ADGRL2: variants seen among roughly 807,000 people sequenced by gnomAD.
ADGRL2 encodes the protein calcium-independent alpha-latrotoxin receptor 2.
Under a neutral mutation model 157.4 loss-of-function variants are expected in ADGRL2, and 44 were observed. That is an observed-to-expected ratio of 0.28 (90% CI 0.22 to 0.36). The LOEUF (loss-of-function observed/expected upper bound fraction) is 0.36. Ranked by LOEUF, ADGRL2 falls within the 10% of genes least tolerant of loss-of-function variation. ADGRL2 has a pLI of 1.00. For synonymous variants in ADGRL2, 585 were observed against 624.7 expected, an observed-to-expected ratio of 0.94 and a Z score of 0.95; for missense variants, 1,510 against 1,768.9, an observed-to-expected ratio of 0.85 and a Z score of 2.63.
At chr1:81,489,020 C>T (rs1174339233) in intron 2 of ADGRL2, among the ~76,000 whole-genome samples, 1 of 151,996 alleles carries the variant, frequency 6.6e-6, no homozygotes. Flanking sequence ...TTGAGATCAC[C>T]TGAGGTCAGC....
intron 2 of ADGRL2, among the ~76,000 whole-genome samples, chr1:81,793,994 A>G (rs2087469148): frequency 6.6e-6 from 1 of 152,146 alleles, no homozygotes; most frequent in Non-Finnish European, 1.5e-5. Context: ...TTTCATAGCC[A>G]GCATTTTTAC....
intron 2 of ADGRL2, among the ~76,000 whole-genome samples, chr1:81,860,042 G>A (rs2093341170): frequency 6.6e-6 from 1 of 151,888 alleles, no homozygotes; most frequent in African/African-American, 2.4e-5. Flanking sequence ...GGCCAACATA[G>A]TGAAACCCCG....
intron 1 of ADGRL2, among the ~76,000 whole-genome samples, chr1:81,756,492 T>C (rs920790120): frequency 1.3e-5 from 2 of 152,140 alleles, no homozygotes; most frequent in Non-Finnish European, 2.9e-5. Context: ...TTAAGTTTCA[T>C]AGACAAGAGG....
At chr1:81,556,385 C>T (rs1427131983) in intron 2 of ADGRL2, among the ~76,000 whole-genome samples, 3 of 122,648 alleles carry the variant, frequency 2.4e-5, no homozygotes, top group Non-Finnish European at 4.7e-5. Context: ...GTGGTGTGAT[C>T]TTGGCTCGCT....
intron 1 of ADGRL2, among the ~76,000 whole-genome samples, chr1:81,427,910 C>A (rs1055209308): frequency 3.9e-5 from 6 of 152,022 alleles, no homozygotes; most frequent in Non-Finnish European, 7.4e-5. Flanking sequence ...TCTTCTTTTT[C>A]TTTTCATTTC....
intron 2 of ADGRL2, among the ~76,000 whole-genome samples, chr1:81,469,936 A>G (rs529876459): frequency 2.0e-5 from 3 of 152,246 alleles, no homozygotes; most frequent in African/African-American, 7.2e-5. Flanking sequence ...ATGGGTCTGG[A>G]TAGGAGTCAG....
At chr1:81,403,852 C>G (rs12118869) in intron 1 of ADGRL2, among the ~76,000 whole-genome samples, 70,913 of 148,848 alleles carry the variant, frequency 0.48, 17,048 homozygotes, top group East Asian at 0.61. Context: ...GGCTGGAGTA[C>G]AGTGGCACAA....
intron 1 of ADGRL2, among the ~76,000 whole-genome samples, chr1:81,738,248 G>A (rs187905124): frequency 1.3e-5 from 2 of 152,122 alleles, no homozygotes; most frequent in Admixed American, 6.5e-5. Flanking sequence ...CCTTTCTTGG[G>A]GTCCTAATTC....
At chr1:81,748,626 TTG>T (rs1210217400) in intron 1 of ADGRL2, among the ~76,000 whole-genome samples, 3 of 152,068 alleles carry the variant, frequency 2.0e-5, no homozygotes, top group Non-Finnish European at 4.4e-5. Context: ...ATAAATTTTT[TTG>T]TCTATCTCAG....
intron 1 of ADGRL2, among the ~76,000 whole-genome samples, chr1:81,726,755 C>T (rs1030780468): frequency 2.4e-4 from 37 of 152,180 alleles, no homozygotes; most frequent in African/African-American, 8.7e-4. Context: ...ATATAGCTCA[C>T]ATCATGTTAC....
intron 2 of ADGRL2, 135 bp from the exon 3 acceptor site, chr1:81,906,882 A>G (rs1182263659): frequency 4.2e-6 from 3 of 711,186 alleles, no homozygotes; most frequent in Non-Finnish European, 6.7e-6. Context: ...GAACCAAAAA[A>G]TTATTTAATA....
intron 2 of ADGRL2, among the ~76,000 whole-genome samples, chr1:81,894,158 C>G (rs957629600): frequency 6.6e-6 from 1 of 152,074 alleles, no homozygotes; most frequent in African/African-American, 2.4e-5. Flanking sequence ...TTGTTAGTTT[C>G]TTTTGGTTAT....
intron 1 of ADGRL2, among the ~76,000 whole-genome samples, chr1:81,709,322 T>A (rs1438869290): frequency 6.6e-6 from 1 of 152,142 alleles, no homozygotes; most frequent in Non-Finnish European, 1.5e-5. Context: ...GAGCTTTAGC[T>A]CTTGGGTATA....
At chr1:81,664,286 T>G (rs560745832) in intron 3 of ADGRL2, among the ~76,000 whole-genome samples, 3 of 152,246 alleles carry the variant, frequency 2.0e-5, no homozygotes, top group Admixed American at 6.5e-5. Flanking sequence ...GTAAACAACA[T>G]CCTAGATTTA....
At position 81,974,365 on chromosome 1, in the gene ADGRL2, T is replaced by C. The variant is rs189699719; in HGVS notation, c.3021+2447T>C. On this transcript the variant is annotated intron_variant, in intron 17 of 23. Transcript: ENST00000686636. Reference sequence around the variant, plus strand: ...CATGACACGTCAGGAGCTGTTCTTATCATTTGGACAGCTCCATCTGCATCG... The same window carrying C: ...CATGACACGTCAGGAGCTGTTCTTACCATTTGGACAGCTCCATCTGCATCG... Among the ~76,000 whole-genome samples, 37 of 152,308 alleles carry C rather than the reference T, an allele frequency of 2.4e-4. 1 individual carries two copies. In the East Asian group the frequency reaches 6.8e-3, roughly 28 times the overall value.
At chr1:81,617,813 A>G (rs978227569) in intron 3 of ADGRL2, among the ~76,000 whole-genome samples, 1 of 152,222 alleles carries the variant, frequency 6.6e-6, no homozygotes, top group African/African-American at 2.4e-5. Context: ...ACCTCAGCAA[A>G]CAGACATGCT....
At chr1:81,562,602 T>A (rs1259507764) in intron 2 of ADGRL2, among the ~76,000 whole-genome samples, 1 of 152,150 alleles carries the variant, frequency 6.6e-6, no homozygotes, top group African/African-American at 2.4e-5. Flanking sequence ...CTTTGTTTCT[T>A]TGCAACTACT....
intron 2 of ADGRL2, among the ~76,000 whole-genome samples, chr1:81,766,783 T>C (rs1385690143): frequency 2.2e-5 from 3 of 136,836 alleles, no homozygotes; most frequent in Non-Finnish European, 4.5e-5. Context: ...TGAGCGGAGA[T>C]TGCACCATTG....
intron 2 of ADGRL2, among the ~76,000 whole-genome samples, chr1:81,535,070 A>C (rs1273749397): frequency 6.6e-6 from 1 of 152,122 alleles, no homozygotes; most frequent in Non-Finnish European, 1.5e-5. Context: ...GTCTTATGTG[A>C]TTTAAAATAG....
Sources: allele counts gnomAD v4.1 joint callset (sites outside exome capture counted in the v4.1 genomes callset), GRCh38; gene constraint gnomAD v4.1.1; transcripts MANE v1.5; gene names NCBI Gene and HGNC (gene_info 2026-07-23, HGNC 2026-07-21).